STXBP4: variants seen among roughly 807,000 people sequenced by gnomAD.
STXBP4 encodes the protein syntaxin-binding protein 4.
A neutral mutation model predicts 76.1 loss-of-function variants in STXBP4; 55 were observed. The ratio of observed to expected loss-of-function variants is 0.72; its 90% CI spans 0.58 to 0.91. STXBP4 has a LOEUF of 0.91. Among genes scored for constraint, STXBP4 ranks in the 40% least tolerant of loss-of-function variants. The pLI is 0.00. For synonymous variants in STXBP4, 201 were observed against 220.2 expected, an observed-to-expected ratio of 0.91 and a Z score of 0.77; for missense variants, 618 against 636.9, an observed-to-expected ratio of 0.97 and a Z score of 0.32.
intron 1 of STXBP4, among the ~76,000 whole-genome samples, chr17:54,979,225 TTTTC>T (rs1178528557): frequency 6.6e-6 from 1 of 152,172 alleles, no homozygotes; most frequent in Admixed American, 6.5e-5. Flanking sequence ...CTAACCCTCT[TTTTC>T]TTTATTGTTC....
the STXBP4 span, among the ~76,000 whole-genome samples, chr17:55,208,608 A>AGGAAGGAAGGAAGGAAGGAAGGAAGGAG: frequency 4.9e-5 from 7 of 141,548 alleles, no homozygotes; most frequent in African/African-American, 8.8e-5. Flanking sequence ...GAAGGAAGGA[A>AGGAAGGAAGGAAGGAAGGAAGGAAGGAG]AGAGAGAGGG....
intron 16 of STXBP4, among the ~76,000 whole-genome samples, chr17:55,123,156 G>A (rs1938550944): frequency 6.6e-6 from 1 of 152,228 alleles, no homozygotes; most frequent in African/African-American, 2.4e-5. Context: ...ATCTAACCTA[G>A]TAGTTAGATA....
intron 16 of STXBP4, among the ~76,000 whole-genome samples, chr17:55,083,831 C>T (rs2079289423): frequency 6.6e-6 from 1 of 152,146 alleles, no homozygotes; most frequent in Admixed American, 6.6e-5. Context: ...TTTTATGACC[C>T]AGCCTCAGAA....
intron 16 of STXBP4, among the ~76,000 whole-genome samples, chr17:55,111,895 GGTTTGTTTGTTT>G (rs75921976): frequency 3.3e-4 from 50 of 149,822 alleles, no homozygotes; most frequent in African/African-American, 1.0e-3. Context: ...TTTTATTCAG[GGTTTGTTTGTTT>G]GTTTGTTTGT....
At chr17:55,066,652 A>G (rs1268079917) in intron 12 of STXBP4, among the ~76,000 whole-genome samples, 1 of 152,216 alleles carries the variant, frequency 6.6e-6, no homozygotes, top group African/African-American at 2.4e-5. Flanking sequence ...TATTTTCTTC[A>G]TTCCACTTAG....
intron 12 of STXBP4, among the ~76,000 whole-genome samples, chr17:55,069,035 T>C (rs1164961846): frequency 6.6e-6 from 1 of 151,974 alleles, no homozygotes; most frequent in African/African-American, 2.4e-5. Flanking sequence ...TTAGTTCAGA[T>C]TACATTTTCA....
intron 17 of STXBP4, among the ~76,000 whole-genome samples, chr17:55,156,561 A>T (rs1414574429): frequency 6.6e-6 from 1 of 152,196 alleles, no homozygotes; most frequent in Non-Finnish European, 1.5e-5. Context: ...GGCACTTCAC[A>T]TGCATTACCT....
chr17:55,035,864 G>T lies in STXBP4; in HGVS notation c.855+1605G>T, dbSNP rs531610810. On this transcript the variant is annotated intron_variant, in intron 10 of 17. Transcript: ENST00000376352. ...AATAAGATGTTCTCGTATCTTATTT[G>T]TGTTTATCTTATTTACTTTTAATTG... Among the ~76,000 whole-genome samples the T allele has an allele frequency of 7.9e-5, 12 of 151,634 alleles. No individual in the cohort carries two copies. In the East Asian group the frequency reaches 2.3e-3, roughly 29 times the overall value.
At chr17:55,204,833 C>CACACACACACAT in the STXBP4 span, among the ~76,000 whole-genome samples, 13,077 of 123,128 alleles carry the variant, frequency 0.11, 856 homozygotes, top group African/African-American at 0.22. Flanking sequence ...CACACACACA[C>CACACACACACAT]ACACACACAC....
At chr17:55,067,680 A>G (rs1286428534) in intron 12 of STXBP4, among the ~76,000 whole-genome samples, 1 of 152,192 alleles carries the variant, frequency 6.6e-6, no homozygotes, top group African/African-American at 2.4e-5. Context: ...TGAGGAAATC[A>G]ATCTTTCAGA....
intron 4 of STXBP4, among the ~76,000 whole-genome samples, chr17:54,996,109 T>G (rs911737413): frequency 2.6e-5 from 4 of 151,658 alleles, no homozygotes; most frequent in Non-Finnish European, 5.9e-5. Flanking sequence ...TAAGTAAAAG[T>G]GCTTTTTGAG....
chr17:55,150,564 A>G (rs1339586230), intron 17 of STXBP4, among the ~76,000 whole-genome samples: 1 of 152,188 alleles, frequency 6.6e-6, no homozygotes. Flanking sequence ...CAAAAATTAC[A>G]TTTCATAAGG....
At chr17:55,026,241 T>C (rs1397117807) in intron 8 of STXBP4, among the ~76,000 whole-genome samples, 1 of 152,202 alleles carries the variant, frequency 6.6e-6, no homozygotes, top group East Asian at 1.9e-4. Context: ...TTGGCTATTT[T>C]TCAGAAATGG....
the STXBP4 span, among the ~76,000 whole-genome samples, chr17:55,206,320 A>G: frequency 9.9e-5 from 15 of 152,158 alleles, no homozygotes; most frequent in African/African-American, 3.4e-4. Flanking sequence ...ATATGCTGCT[A>G]TATCAGGCAA....
chr17:55,072,848 C>T lies in STXBP4; in HGVS notation c.1012-52C>T, dbSNP rs184558845. ...CAAGGAAAATATTTTGTATAAACCTCGGAACTATTTCTTATGTATTTTTTA... is the reference window on the plus strand; with the variant it reads ...CAAGGAAAATATTTTGTATAAACCTTGGAACTATTTCTTATGTATTTTTTA... On this transcript the variant is annotated intron_variant, in intron 12 of 17. Transcript: ENST00000376352. The T allele has an allele frequency of 1.9e-3, 2,766 of 1,484,918 alleles. 2 individuals are homozygous for T. The highest frequency in any genetic ancestry group is 2.3e-3 in the Non-Finnish European group (2,544 of 1,101,734). 92.0% of individuals were successfully genotyped at this position (1,484,918 alleles called of 1,614,324 possible). A position where few individuals can be genotyped will look rare whatever the true frequency, so the allele number is the denominator to read the frequency against.
chr17:54,985,927 T>A (rs902575799), intron 2 of STXBP4, among the ~76,000 whole-genome samples: 34 of 152,214 alleles, frequency 2.2e-4, no homozygotes, highest in African/African-American at 8.0e-4. Context: ...GATATAGACA[T>A]AGACTTATCT....
chr17:55,146,565 A>G (rs1044466821), intron 17 of STXBP4, among the ~76,000 whole-genome samples: 1 of 152,040 alleles, frequency 6.6e-6, no homozygotes, highest in Non-Finnish European at 1.5e-5. Flanking sequence ...ATACAAAAAA[A>G]CATTAGCCAG....
intron 16 of STXBP4, among the ~76,000 whole-genome samples, chr17:55,127,289 C>G (rs891047375): frequency 6.6e-6 from 1 of 152,078 alleles, no homozygotes; most frequent in South Asian, 2.1e-4. Flanking sequence ...TCCTTGTATG[C>G]GTAATGTTGA....
At chr17:55,008,770 G>A (rs2144550745) in intron 8 of STXBP4, among the ~76,000 whole-genome samples, 1 of 152,216 alleles carries the variant, frequency 6.6e-6, no homozygotes, top group East Asian at 1.9e-4. Flanking sequence ...TCTCTGGAAT[G>A]AGGGTCTTTT....
Sources: allele counts gnomAD v4.1 joint callset (sites outside exome capture counted in the v4.1 genomes callset), GRCh38; gene constraint gnomAD v4.1.1; transcripts MANE v1.5; gene names NCBI Gene and HGNC (gene_info 2026-07-23, HGNC 2026-07-21).